Variants in PRPF4 observed in about 807,000 individuals in gnomAD.
PRPF4 encodes the protein U4/U6 small nuclear ribonucleoprotein Prp4.
Under a neutral mutation model 72.2 loss-of-function variants are expected in PRPF4, and 14 were observed. That is an observed-to-expected ratio of 0.19 (90% CI 0.13 to 0.30). PRPF4 has a LOEUF of 0.30. Among genes scored for constraint, PRPF4 ranks in the 10% least tolerant of loss-of-function variants. PRPF4 has a pLI of 1.00. For synonymous variants in PRPF4, 225 were observed against 232.2 expected (o/e 0.97, Z 0.28); for missense variants, 478 against 653.9 (o/e 0.73, Z 2.93).
At chr9:113,280,419 A>G (rs1341362185) in intron 3 of PRPF4, among the ~76,000 whole-genome samples, 1 of 152,156 alleles carries the variant, frequency 6.6e-6, no homozygotes, top group East Asian at 1.9e-4. Flanking sequence ...CAGGTACTTC[A>G]AACTTGAGAC....
At chr9:113,275,815 G>C (rs1337733520) in intron 1 of PRPF4, 45 bp downstream of exon 1, 2 of 1,606,606 alleles carry the variant, frequency 1.2e-6, no homozygotes, top group Admixed American at 3.4e-5. Flanking sequence ...GGAGCGCTAA[G>C]GGGGAAGGGG....
chr9:113,276,777 T>C, intron 2 of PRPF4, 52 bp downstream of exon 2: 1 of 1,525,002 alleles, frequency 6.6e-7, no homozygotes, highest in Non-Finnish European at 8.8e-7. Flanking sequence ...ATGAATACCT[T>C]TCTAAACTTA....
chr9:113,284,169 A>G (rs1308337661), intron 6 of PRPF4, 126 bp from the exon 7 acceptor site: 1 of 651,500 alleles, frequency 1.5e-6, no homozygotes, highest in Admixed American at 2.8e-5. Context: ...ACAAAACCAT[A>G]GAAGAATCTT....
intron 2 of PRPF4, among the ~76,000 whole-genome samples, chr9:113,278,680 T>C (rs1280471256): frequency 6.6e-6 from 1 of 152,262 alleles, no homozygotes; most frequent in African/African-American, 2.4e-5. Flanking sequence ...TCTTACTTGC[T>C]GGTCTCAGCC....
intron 13 of PRPF4, 82 bp downstream of exon 13, chr9:113,291,098 T>C (rs566399320): frequency 1.5e-6 from 2 of 1,358,988 alleles, no homozygotes; most frequent in East Asian, 4.6e-5. Flanking sequence ...AGGCTTTAGC[T>C]TAACTGAGCA....
intron 3 of PRPF4, 122 bp downstream of exon 3, chr9:113,279,253 C>T (rs1832199241): frequency 1.1e-6 from 1 of 934,144 alleles, no homozygotes; most frequent in African/African-American, 1.7e-5. Flanking sequence ...CAATATCTTA[C>T]TGTGTTTATA....
intron 4 of PRPF4, 144 bp from the exon 5 acceptor site, chr9:113,282,988 T>A (rs1004554249): frequency 3.4e-5 from 50 of 1,461,012 alleles, no homozygotes; most frequent in Non-Finnish European, 4.4e-5. Context: ...TAGAAAAAAA[T>A]TCAGTAGAAA....
At chr9:113,286,326 C>T (rs1056605334) in intron 8 of PRPF4, 36 bp downstream of exon 8, 2 of 1,556,294 alleles carry the variant, frequency 1.3e-6, no homozygotes, top group Non-Finnish European at 1.8e-6. Flanking sequence ...CGGTCTTTTT[C>T]CCAGTGTGAA....
At chr9:113,287,550 T>C (rs1013645470) in intron 9 of PRPF4, among the ~76,000 whole-genome samples, 2 of 152,170 alleles carry the variant, frequency 1.3e-5, no homozygotes, top group Non-Finnish European at 2.9e-5. Flanking sequence ...TGTTTAGTTT[T>C]CTTTCTTTGG....
Position 113,276,670 on chromosome 9 carries a change from G to C in PRPF4, c.150G>C (p.Leu50Phe), listed in dbSNP as rs199728999. 6.2e-7 allele frequency: 1 copy of C among 1,613,986 alleles called. No homozygotes were observed. The highest frequency in any genetic ancestry group is 2.2e-5 in the East Asian group (1 of 44,880). Residue 50 changes from leucine (L) to phenylalanine (F), a missense_variant, in exon 2 of 14, where the codon TTG becomes TTC. Coordinates refer to ENST00000374198, the MANE Select transcript of PRPF4 (RefSeq NM_001244926.2). ...ERLAKGESGI[L>F]GKDGLKAGIE... is the part of the protein sequence containing the mutation. Reference sequence around the variant, plus strand: ...TGGCCAAAGGAGAGTCTGGGATTTTGGGGAAAGACGGACTTAAAGCAGGGA... The same window carrying C: ...TGGCCAAAGGAGAGTCTGGGATTTTCGGGAAAGACGGACTTAAAGCAGGGA...
At chr9:113,286,475 G>C (rs4979231) in intron 8 of PRPF4, among the ~76,000 whole-genome samples, 185 bp downstream of exon 8, 55,978 of 152,020 alleles carry the variant, frequency 0.37, 10,685 homozygotes, top group South Asian at 0.53. Context: ...TCTCTCATGT[G>C]CAGTCACACT....
chr9:113,290,406 A>C (rs1220485845), intron 10 of PRPF4, 60 bp from the exon 11 acceptor site: 6 of 1,608,604 alleles, frequency 3.7e-6, no homozygotes, highest in African/African-American at 1.3e-5. Flanking sequence ...AGAATACTTT[A>C]TGTGTTGTAG....
In PRPF4 at chr9:113,292,616, A is replaced by T. The variant is rs1832641653; in HGVS notation, c.*956A>T. 6.6e-6 allele frequency: 1 copy of T among 152,132 alleles called. No individual in the cohort carries two copies. Among genetic ancestry groups the T allele is most frequent in the Non-Finnish European group, 1.5e-5 (1 of 68,012 alleles). 9.4% of individuals were successfully genotyped at this position (152,132 alleles called of 1,614,324 possible). Reference sequence around the variant, plus strand: ...AGAAAATATCTTTTTTTTTACTTTGAAGTTTGGCAACCTTCATGTTACCCC... The same window carrying T: ...AGAAAATATCTTTTTTTTTACTTTGTAGTTTGGCAACCTTCATGTTACCCC... On this transcript the variant is annotated 3_prime_UTR_variant, in exon 14 of 14. Transcript: ENST00000374198.
chr9:113,278,213 A>G lies in PRPF4; in HGVS notation c.206-732A>G, dbSNP rs574980940. Among the ~76,000 whole-genome samples the G allele has an allele frequency of 2.6e-5, 4 of 152,390 alleles. No homozygotes were observed. In the South Asian group the frequency reaches 6.2e-4, roughly 24 times the overall value. On this transcript the variant is annotated intron_variant, in intron 2 of 13. Transcript: ENST00000374198. ...CCATGTCAGTAATGAGAGGTCTACT[A>G]TATTTTAAAAATAAAATTATGCATA...
At chr9:113,285,554 A>G (rs1832417813) in intron 7 of PRPF4, among the ~76,000 whole-genome samples, 1 of 150,196 alleles carries the variant, frequency 6.7e-6, no homozygotes, top group Admixed American at 6.6e-5. Context: ...AATTTTTTGT[A>G]TTTTTAGTAG....
intron 6 of PRPF4, among the ~76,000 whole-genome samples, chr9:113,283,999 C>T (rs539173070): frequency 5.5e-5 from 8 of 144,898 alleles, no homozygotes; most frequent in South Asian, 2.3e-4. Flanking sequence ...ACCCGGGAGG[C>T]GGAGGTTGCA....
chr9:113,286,863 C>T lies in PRPF4; in HGVS notation c.932+35C>T, dbSNP rs76485759. On this transcript the variant is annotated intron_variant, in intron 9 of 13. Coordinates refer to ENST00000374198, the MANE Select transcript of PRPF4 (RefSeq NM_001244926.2). Reference sequence around the variant, plus strand: ...ACTGTTCTGTGGCCCATACTGCCATCACTAAAGTAGATGTTTGATTGGTTG... The same window carrying T: ...ACTGTTCTGTGGCCCATACTGCCATTACTAAAGTAGATGTTTGATTGGTTG... 2,078 of 1,613,562 alleles carry T rather than the reference C, an allele frequency of 1.3e-3. 21 individuals are homozygous for T. The African/African-American group carries it at 0.025, about 19-fold the overall frequency.
chr9:113,283,039 C>T, intron 4 of PRPF4, 93 bp from the exon 5 acceptor site: 6 of 1,574,860 alleles, frequency 3.8e-6, no homozygotes, highest in Non-Finnish European at 5.2e-6. Context: ...ATGAATTCAC[C>T]TTCCTTCTGG....
At chr9:113,279,766 A>G (rs1184854805) in intron 3 of PRPF4, among the ~76,000 whole-genome samples, 1 of 152,184 alleles carries the variant, frequency 6.6e-6, no homozygotes, top group Non-Finnish European at 1.5e-5. Flanking sequence ...TTTGAATTGG[A>G]TAAACATTTG....
Sources: gnomAD v4.1 joint callset for allele counts (sites outside exome capture counted in the v4.1 genomes callset) on GRCh38, gnomAD v4.1.1 for gene constraint, MANE v1.5 for transcripts, NCBI Gene and HGNC (gene_info 2026-07-23, HGNC 2026-07-21) for gene names.